Variants in TMPRSS15 observed in about 807,000 individuals in gnomAD.
The protein encoded by TMPRSS15 is enteropeptidase.
Under a neutral mutation model 125.3 loss-of-function variants are expected in TMPRSS15, and 128 were observed. The ratio of observed to expected loss-of-function variants is 1.02; its 90% CI spans 0.89 to 1.18. The LOEUF is 1.18. Among genes scored for constraint, TMPRSS15 ranks in the 50% most tolerant of loss-of-function variants. The probability of loss-of-function intolerance (pLI) is 0.00; values close to 1 mark genes in which losing one functional copy is unlikely to be tolerated. For synonymous variants in TMPRSS15, 446 were observed against 423.2 expected (o/e 1.05, Z -0.66); for missense variants, 1,283 against 1,212.7 (o/e 1.06, Z -0.86).
chr21:18,313,135 G>C (rs1050122228), intron 17 of TMPRSS15, 58 bp from the exon 18 acceptor site: 2 of 1,228,950 alleles, frequency 1.6e-6, no homozygotes, highest in Non-Finnish European at 2.4e-6. Flanking sequence ...CGGAGTATGG[G>C]AAGACATCGT....
intron 1 of TMPRSS15, among the ~76,000 whole-genome samples, chr21:18,434,223 T>G (rs2076223167): frequency 6.6e-6 from 1 of 152,194 alleles, no homozygotes; most frequent in Non-Finnish European, 1.5e-5. Flanking sequence ...CAGCTACATC[T>G]ACATTGCACG....
chr21:18,292,194 A>C (rs1403345712), intron 21 of TMPRSS15, among the ~76,000 whole-genome samples: 1 of 152,240 alleles, frequency 6.6e-6, no homozygotes, highest in African/African-American at 2.4e-5. Flanking sequence ...AATTTTGTCA[A>C]GGTTACTCTC....
chr21:18,271,708 C>G (rs2074558945), intron 24 of TMPRSS15, among the ~76,000 whole-genome samples: 1 of 151,940 alleles, frequency 6.6e-6, no homozygotes, highest in Admixed American at 6.6e-5. Flanking sequence ...TATTGACCCG[C>G]CCTCTAAGTT....
At chr21:18,380,374 T>G (rs1042012445) in intron 4 of TMPRSS15, among the ~76,000 whole-genome samples, 5 of 152,096 alleles carry the variant, frequency 3.3e-5, no homozygotes, top group African/African-American at 9.7e-5. Flanking sequence ...TTAGGAACAT[T>G]GTAATATTAC....
In TMPRSS15 at chr21:18,292,742, A is replaced by G. The variant is rs1242426092; in HGVS notation, c.2486+1528T>C. On this transcript the variant is annotated intron_variant, in intron 21 of 24. Coordinates refer to ENST00000284885, the MANE Select transcript of TMPRSS15 (RefSeq NM_002772.3). ...TTAGCTAAAACTAGCTTTAATTTGC[A>G]TCACAGTTAGGATACAGATGTTATG... Among the ~76,000 whole-genome samples the G allele has an allele frequency of 3.9e-5, 6 of 152,352 alleles. 1 individual carries two copies. Among genetic ancestry groups the G allele is most frequent in the Admixed American group, 3.9e-4 (6 of 15,306 alleles).
rs187410362 is a variant in TMPRSS15, at chr21:18,450,246, A to G, written c.10+35553T>C. 1.5e-4 allele frequency among the ~76,000 whole-genome samples: 23 copies of G among 152,180 alleles called. 1 individual carries two copies. The East Asian group carries it at 1.9e-3, about 13-fold the overall frequency. On this transcript the variant is annotated intron_variant, in intron 1 of 7. Transcript: ENST00000422787. ...AATTATTCCAGATGAAGTAGCATGC[A>G]AATTTCATTGTTTTACATGTTTTTT...
intron 1 of TMPRSS15, among the ~76,000 whole-genome samples, chr21:18,433,153 A>C (rs1044840491): frequency 7.2e-5 from 11 of 152,138 alleles, no homozygotes; most frequent in Non-Finnish European, 1.5e-4. Context: ...GGGGAAATGG[A>C]GTCATTGTTG....
Position 18,278,951 on chromosome 21 carries a change from TCTGA to T in TMPRSS15, c.2764+9_2764+12del. 1 of 852,474 alleles carries T rather than the reference TCTGA, an allele frequency of 1.2e-6. No homozygotes were observed. Among genetic ancestry groups the T allele is most frequent in the Non-Finnish European group, 1.9e-6 (1 of 537,700 alleles). The allele number at this position is 852,474 out of a possible 1,614,324, so 52.8% of individuals were successfully genotyped here. The stretch of plus-strand genomic sequence containing the variant: ...TTTTTTTTTTTTTTTTTTTTTTGAG[TCTGA>T]TAATTTACCTTGATATACAACCGTC... On this transcript the variant is annotated intron_variant, in intron 23 of 24. Transcript: ENST00000284885.
At chr21:18,406,063 T>TA (rs931332981), upstream of TMPRSS15, among the ~76,000 whole-genome samples, 4 of 152,100 alleles carry the variant, frequency 2.6e-5, no homozygotes, top group African/African-American at 9.7e-5. Flanking sequence ...ATGAGGTACT[T>TA]ACATTTATTT....
chr21:18,312,337 T>C (rs1470345806), intron 18 of TMPRSS15, among the ~76,000 whole-genome samples: 3 of 151,908 alleles, frequency 2.0e-5, no homozygotes, highest in Non-Finnish European at 4.4e-5. Context: ...GGAGGTATAA[T>C]ACATTTTTGA....
At chr21:18,284,297 C>A (rs916247054) in intron 21 of TMPRSS15, among the ~76,000 whole-genome samples, 4 of 152,164 alleles carry the variant, frequency 2.6e-5, no homozygotes, top group South Asian at 2.1e-4. Context: ...AGCTTTTCCT[C>A]GGTGGAAAAT....
At position 18,398,185 on chromosome 21, in the gene TMPRSS15, T is replaced by C; in HGVS notation, c.276+14A>G. The C allele has an allele frequency of 6.2e-7, 1 of 1,613,698 alleles. No individual in the cohort carries two copies. Among genetic ancestry groups the C allele is most frequent in the Non-Finnish European group, 8.5e-7 (1 of 1,179,680 alleles). On this transcript the variant is annotated intron_variant, in intron 2 of 24. Coordinates refer to ENST00000284885, the MANE Select transcript of TMPRSS15 (RefSeq NM_002772.3). ...CTGTGTTATAAAATTTGAAACCAGC[T>C]GTCAGTCTCCTACCATTTGCTGAAG... is the stretch of plus-strand genomic sequence containing the variant.
intron 1 of TMPRSS15, among the ~76,000 whole-genome samples, chr21:18,430,659 A>G (rs1366802680): frequency 6.6e-6 from 1 of 152,174 alleles, no homozygotes; most frequent in African/African-American, 2.4e-5. Context: ...AACACCAAAT[A>G]TTAGCTTGTC....
At position 18,269,850 on chromosome 21, in the gene TMPRSS15, G is replaced by C. The variant is rs1179592597; in HGVS notation, c.*119C>G. On this transcript the variant is annotated 3_prime_UTR_variant, in exon 25 of 25. Transcript: ENST00000284885. ...GGCCCCCTAGCATTTCATTGACATA[G>C]GTAAGAATAAAAACCTTTGGTAACT... 16 of 1,283,172 alleles carry C rather than the reference G, an allele frequency of 1.2e-5. No homozygotes were observed. Among genetic ancestry groups the C allele is most frequent in the Non-Finnish European group, 3.3e-6 (3 of 914,864 alleles). The allele number at this position is 1,283,172 out of a possible 1,614,324, so 79.5% of individuals were successfully genotyped here. A position where few individuals can be genotyped will look rare whatever the true frequency, so the allele number is the denominator to read the frequency against.
intron 21 of TMPRSS15, among the ~76,000 whole-genome samples, chr21:18,293,752 G>A (rs1343990657): frequency 6.6e-6 from 1 of 152,076 alleles, no homozygotes; most frequent in Non-Finnish European, 1.5e-5. Flanking sequence ...TCAGTTAATA[G>A]GTAGCAATCA....
At chr21:18,314,312 C>G (rs1251155533) in intron 17 of TMPRSS15, among the ~76,000 whole-genome samples, 1 of 152,072 alleles carries the variant, frequency 6.6e-6, no homozygotes, top group Non-Finnish European at 1.5e-5. Context: ...GAGTTTCGCT[C>G]TTGTAACAAA....
At chr21:18,271,051 T>G (rs1307882847) in intron 24 of TMPRSS15, among the ~76,000 whole-genome samples, 2 of 152,136 alleles carry the variant, frequency 1.3e-5, no homozygotes, top group Non-Finnish European at 2.9e-5. Context: ...GGGCCCTATA[T>G]TTAAAGAAAA....
chr21:18,393,323 A>G (rs1444534056), intron 3 of TMPRSS15, among the ~76,000 whole-genome samples: 1 of 152,222 alleles, frequency 6.6e-6, no homozygotes, highest in African/African-American at 2.4e-5. Flanking sequence ...GATAATAATA[A>G]AGCATGTTCT....
chr21:18,336,109 C>T (rs1332931835), intron 13 of TMPRSS15, among the ~76,000 whole-genome samples: 9 of 151,992 alleles, frequency 5.9e-5, no homozygotes, highest in Non-Finnish European at 1.3e-4. Context: ...TTTTTTACTC[C>T]ATGCTTAAGC....
Sources: allele counts gnomAD v4.1 joint callset (sites outside exome capture counted in the v4.1 genomes callset), GRCh38; gene constraint gnomAD v4.1.1; transcripts MANE v1.5; gene names NCBI Gene and HGNC (gene_info 2026-07-23, HGNC 2026-07-21).